NCOR2: variants seen among roughly 807,000 people sequenced by gnomAD.
NCOR2 encodes CTG repeat protein 26.
Under a neutral mutation model 262.9 loss-of-function variants are expected in NCOR2, and 81 were observed. The observed-to-expected ratio is 0.31, with a 90% CI of 0.26 to 0.37. The LOEUF is 0.37. Ranked by LOEUF, NCOR2 falls within the 10% of genes least tolerant of loss-of-function variation. The pLI is 1.00. For synonymous variants in NCOR2, 1,659 were observed against 1,559.3 expected, an observed-to-expected ratio of 1.06 and a Z score of -1.51; for missense variants, 3,385 against 3,621.4, an observed-to-expected ratio of 0.93 and a Z score of 1.68.
intron 44 of NCOR2, 111 bp downstream of exon 46, chr12:124,330,734 G>T: frequency 8.2e-7 from 1 of 1,213,398 alleles, no homozygotes; most frequent in Non-Finnish European, 1.2e-6. Flanking sequence ...AGAATGAGGG[G>T]GTACACCCAG....
chr12:124,430,452 G>C (rs769121067), intron 9 of NCOR2, among the ~76,000 whole-genome samples, 163 bp downstream of exon 11: 22 of 152,228 alleles, frequency 1.4e-4, no homozygotes, highest in Non-Finnish European at 2.8e-4. Flanking sequence ...TTAGGCCAAA[G>C]AGGCTCCACG....
At chr12:124,384,890 C>T (rs2040681896) in intron 17 of NCOR2, among the ~76,000 whole-genome samples, 1 of 152,108 alleles carries the variant, frequency 6.6e-6, no homozygotes, top group Admixed American at 6.5e-5. Context: ...AGGAAACACG[C>T]AGCCTAGCGA....
At chr12:124,377,362 C>T (rs975049916) in intron 18 of NCOR2, among the ~76,000 whole-genome samples, 6 of 152,176 alleles carry the variant, frequency 3.9e-5, no homozygotes, top group African/African-American at 1.4e-4. Flanking sequence ...GTGCCTGAGC[C>T]TCGGTTTCCC....
At chr12:124,516,206 C>T (rs551150649) in intron 1 of NCOR2, among the ~76,000 whole-genome samples, 2 of 152,352 alleles carry the variant, frequency 1.3e-5, no homozygotes, top group East Asian at 3.9e-4. Flanking sequence ...CTGAGCCAGT[C>T]ACTGGCCCAG....
rs1366362703 is a variant in NCOR2 at position 124,481,196 on chromosome 12, G to C, written c.411+2400C>G. Among the ~76,000 whole-genome samples, 1 of 151,888 alleles carries C rather than the reference G, an allele frequency of 6.6e-6. No homozygotes were observed. The highest frequency in any genetic ancestry group is 1.5e-5 in the Non-Finnish European group (1 of 67,916). ...GGAAGGTGTAGAAGGAGAGAAGGAA[G>C]GGGAGGAAGGGCAGGAAGGATGTGC... On this transcript the variant is annotated intron_variant, in intron 3 of 46. Transcript: ENST00000405201. This position sits in a 1 kb window ranked among gnomAD's most constrained non-coding sequence, Gnocchi z 4.6.
At chr12:124,556,836 A>T (rs2051898093) in intron 1 of NCOR2, among the ~76,000 whole-genome samples, 1 of 150,422 alleles carries the variant, frequency 6.6e-6, no homozygotes. Context: ...GCAACAGAGC[A>T]AGACTCTTTG....
chr12:124,361,982 C>G lies in NCOR2; in HGVS notation c.3100+144G>C, dbSNP rs768583033. On this transcript the variant is annotated intron_variant, in intron 22 of 46. Transcript: ENST00000405201. ...CCCTACCATTCCCAACTGCCTCCCC[C>G]TGCTCAACTGTTCCATTCGTTTACT... The G allele has an allele frequency of 5.8e-5, 43 of 737,380 alleles. 1 individual carries two copies. The highest frequency in any genetic ancestry group is 7.4e-5 in the Non-Finnish European group (40 of 537,162). The allele number at this position is 737,380 out of a possible 1,614,324, so 45.7% of individuals were successfully genotyped here.
chr12:124,395,496 G>T (rs980161753), intron 16 of NCOR2, among the ~76,000 whole-genome samples: 2 of 152,218 alleles, frequency 1.3e-5, no homozygotes, highest in Admixed American at 1.3e-4. Flanking sequence ...GCCCCCAGGG[G>T]ACGCTCACTG....
At chr12:124,375,768 C>T (rs1323870944) in intron 18 of NCOR2, among the ~76,000 whole-genome samples, 1 of 152,220 alleles carries the variant, frequency 6.6e-6, no homozygotes, top group Admixed American at 6.5e-5. Flanking sequence ...GCTTCATTCA[C>T]TATGAGGATA....
intron 16 of NCOR2, among the ~76,000 whole-genome samples, chr12:124,394,117 G>A (rs1296752742): frequency 6.6e-6 from 1 of 152,254 alleles, no homozygotes; most frequent in African/African-American, 2.4e-5. Context: ...AGGCACAGCT[G>A]GGACCCAAAC....
chr12:124,430,898 A>G (rs894095518), intron 8 of NCOR2, 111 bp from the exon 11 acceptor site: 1 of 1,301,532 alleles, frequency 7.7e-7, no homozygotes, highest in South Asian at 1.4e-5. Context: ...GCACACACAC[A>G]AAGTCACACA....
At chr12:124,543,808 G>T (rs117663600) in intron 1 of NCOR2, among the ~76,000 whole-genome samples, 39 of 152,326 alleles carry the variant, frequency 2.6e-4, no homozygotes, top group Non-Finnish European at 5.0e-4. Flanking sequence ...GCCCCACGCG[G>T]CAGCACGGAA....
At chr12:124,472,899 T>G in intron 4 of NCOR2, 53 bp downstream of exon 6, 1 of 1,606,018 alleles carries the variant, frequency 6.2e-7, no homozygotes, top group Non-Finnish European at 8.5e-7. Context: ...CTGTCACTGC[T>G]GCTAGAATGG....
At chr12:124,426,416 CT>C (rs1307935028) in intron 11 of NCOR2, among the ~76,000 whole-genome samples, 1 of 152,200 alleles carries the variant, frequency 6.6e-6, no homozygotes, top group Non-Finnish European at 1.5e-5. Context: ...CAGGGACAGG[CT>C]CTCCCTTACG....
Position 124,517,942 on chromosome 12 carries a change from G to A in NCOR2, c.-118+17623C>T, listed in dbSNP as rs942893279. ...TGGCTGACCTGCGGCCGGCCACTCA[G>A]CCCCCAGCCCTGGCCACCACCTCCA... On this transcript the variant is annotated intron_variant, in intron 1 of 46. Coordinates refer to the NCOR2 transcript ENST00000404621. This position sits in a 1 kb window ranked among gnomAD's most constrained non-coding sequence, Gnocchi z 7.6. Among the ~76,000 whole-genome samples, 6 of 152,086 alleles carry A rather than the reference G, an allele frequency of 3.9e-5. No homozygotes were observed. Among genetic ancestry groups the A allele is most frequent in the Non-Finnish European group, 8.8e-5 (6 of 68,028 alleles).
intron 18 of NCOR2, among the ~76,000 whole-genome samples, chr12:124,376,772 G>C (rs1271004297): frequency 6.6e-6 from 1 of 152,214 alleles, no homozygotes; most frequent in Non-Finnish European, 1.5e-5. Context: ...TTCTGCCAGG[G>C]AGAAGCCAGG....
chr12:124,498,578 A>G (rs571673642), upstream of NCOR2, among the ~76,000 whole-genome samples: 11 of 152,096 alleles, frequency 7.2e-5, no homozygotes, highest in East Asian at 1.7e-3. Flanking sequence ...TGCCAACTCG[A>G]AAAAAAACAA....
At chr12:124,407,313 G>T (rs924470226) in intron 13 of NCOR2, among the ~76,000 whole-genome samples, 4 of 152,250 alleles carry the variant, frequency 2.6e-5, no homozygotes, top group African/African-American at 9.6e-5. Flanking sequence ...TGATGCAGAT[G>T]AGGCAGCAAG....
chr12:124,555,568 G>T (rs949049447), intron 1 of NCOR2, among the ~76,000 whole-genome samples: 1 of 152,204 alleles, frequency 6.6e-6, no homozygotes, highest in African/African-American at 2.4e-5. Flanking sequence ...ATGCGGAAAC[G>T]AGCACAAAGT....
Sources: gnomAD v4.1 joint callset for allele counts (sites outside exome capture counted in the v4.1 genomes callset) on GRCh38, gnomAD v4.1.1 for gene constraint, Gnocchi (gnomAD v3.1) non-coding constraint, MANE v1.5 for transcripts, NCBI Gene and HGNC (gene_info 2026-07-23, HGNC 2026-07-21) for gene names.